The following RANBP17 variants were observed in gnomAD, a reference collection of about 807,000 sequenced individuals.
The protein encoded by RANBP17 is ran-binding protein 17.
RANBP17 carries 158 observed loss-of-function variants against 141.2 expected under a neutral mutation model. That is an observed-to-expected ratio of 1.12 (90% CI 0.98 to 1.28). RANBP17 has a LOEUF of 1.28. RANBP17 is among the 50% of genes most tolerant of loss of function. The pLI is 0.00. For missense variants in RANBP17, 1,438 were observed against 1,290.7 expected (o/e 1.11, Z -1.75); for synonymous variants, 430 against 450.0 (o/e 0.96, Z 0.56).
At chr5:171,174,543 T>G (rs929218854) in intron 16 of RANBP17, among the ~76,000 whole-genome samples, 31 of 152,152 alleles carry the variant, frequency 2.0e-4, no homozygotes, top group African/African-American at 7.5e-4. Flanking sequence ...AAATTCTGTT[T>G]GTTCGGTAAT....
intron 24 of RANBP17, among the ~76,000 whole-genome samples, chr5:171,250,986 A>C (rs930832111): frequency 6.6e-6 from 1 of 152,258 alleles, no homozygotes; most frequent in African/African-American, 2.4e-5. Flanking sequence ...ACATGGAATT[A>C]ACAGAGCTAC....
intron 13 of RANBP17, among the ~76,000 whole-genome samples, chr5:170,955,106 G>A (rs1362427052): frequency 5.3e-5 from 8 of 151,982 alleles, no homozygotes; most frequent in South Asian, 2.1e-4. Flanking sequence ...TCCTGAGACC[G>A]TCACCCCACA....
chr5:170,897,144 T>C, intron 5 of RANBP17: 1 of 826,682 alleles, frequency 1.2e-6, no homozygotes, highest in South Asian at 1.3e-5. Context: ...CTGAGAGATG[T>C]ATTTGATACC....
intron 5 of RANBP17, among the ~76,000 whole-genome samples, chr5:170,901,778 A>G (rs4599547): frequency 0.6 from 91,523 of 152,068 alleles, 29,279 homozygotes; most frequent in South Asian, 0.9. Context: ...CTTCACTTAC[A>G]AAGCTTAGTT....
chr5:171,236,190 A>G (rs911941688), intron 22 of RANBP17, among the ~76,000 whole-genome samples: 2 of 152,174 alleles, frequency 1.3e-5, no homozygotes, highest in African/African-American at 4.8e-5. Flanking sequence ...GCTCCTTCCA[A>G]TGATAAGTGA....
chr5:171,101,424 G>A (rs1445917626), intron 14 of RANBP17, among the ~76,000 whole-genome samples: 2 of 152,134 alleles, frequency 1.3e-5, no homozygotes, highest in Admixed American at 1.3e-4. Flanking sequence ...TGCAACCCCT[G>A]CTCTTTTTTT....
intron 5 of RANBP17, 129 bp downstream of exon 5, chr5:170,896,244 T>TTG (rs1581081563): frequency 4.8e-6 from 3 of 631,504 alleles, no homozygotes; most frequent in South Asian, 4.3e-5. Flanking sequence ...ATCAAGTTTT[T>TTG]TGTGTGTGTA....
At chr5:171,126,289 A>C (rs1348226018) in intron 14 of RANBP17, among the ~76,000 whole-genome samples, 1 of 152,192 alleles carries the variant, frequency 6.6e-6, no homozygotes, top group East Asian at 1.9e-4. Flanking sequence ...ATGGAAACAA[A>C]ACATACCAAA....
chr5:171,237,074 TA>T (rs1764588037), intron 22 of RANBP17, among the ~76,000 whole-genome samples: 1 of 152,038 alleles, frequency 6.6e-6, no homozygotes, highest in Non-Finnish European at 1.5e-5. Context: ...AAAATAATTT[TA>T]AAAAAATACA....
At chr5:171,181,165 T>C (rs943953993) in intron 16 of RANBP17, among the ~76,000 whole-genome samples, 2 of 152,176 alleles carry the variant, frequency 1.3e-5, no homozygotes, top group Non-Finnish European at 1.5e-5. Context: ...CCTGACAGCC[T>C]TGATCTTGTT....
At chr5:170,872,208 ACTT>A (rs1321725900) in intron 1 of RANBP17, among the ~76,000 whole-genome samples, 4 of 152,084 alleles carry the variant, frequency 2.6e-5, no homozygotes, top group Admixed American at 2.0e-4. Flanking sequence ...AGTGGTTTAT[ACTT>A]CTTCTTGAAG....
chr5:171,060,841 G>T (rs987358619), intron 14 of RANBP17, among the ~76,000 whole-genome samples: 29 of 152,244 alleles, frequency 1.9e-4, no homozygotes, highest in African/African-American at 6.7e-4. Flanking sequence ...CAATTTCAGA[G>T]CCTGTTATTA....
Position 170,904,454 on chromosome 5 carries a change from T to C in RANBP17, c.490-5207T>C, listed in dbSNP as rs1463571969. 3.3e-5 allele frequency: 5 copies of C among 153,584 alleles called. No homozygotes were observed. In the Admixed American group the frequency reaches 3.3e-4, roughly 10 times the overall value. The allele number at this position is 153,584 out of a possible 1,614,324, so 9.5% of individuals were successfully genotyped here. A position where few individuals can be genotyped will look rare whatever the true frequency, so the allele number is the denominator to read the frequency against. On this transcript the variant is annotated intron_variant, in intron 5 of 27. Coordinates refer to ENST00000523189, the MANE Select transcript of RANBP17 (RefSeq NM_022897.5). The stretch of plus-strand genomic sequence containing the variant: ...GTGCAAGATTTACCAAGCCTAAGCA[T>C]AGCCGTGTATAAAAGAAACCCTCCA...
At chr5:170,910,497 ATAACCAGT>A (rs1771440955) in intron 6 of RANBP17, 1 of 156,120 alleles carries the variant, frequency 6.4e-6, no homozygotes, top group Admixed American at 6.3e-5. Context: ...ATAGAATAGT[ATAACCAGT>A]TAACCTGTCA....
chr5:171,234,586 G>A (rs1764418787), intron 22 of RANBP17, among the ~76,000 whole-genome samples: 1 of 152,178 alleles, frequency 6.6e-6, no homozygotes, highest in Non-Finnish European at 1.5e-5. Context: ...TAATAGCAGT[G>A]GGAGTGGTCA....
intron 16 of RANBP17, among the ~76,000 whole-genome samples, chr5:171,174,765 T>TGTGTGTGTG (rs1554110474): frequency 6.6e-6 from 1 of 150,602 alleles, no homozygotes; most frequent in Non-Finnish European, 1.5e-5. Flanking sequence ...TGTGTGTGTG[T>TGTGTGTGTG]GTGTGTGTGT....
At chr5:171,017,630 G>A (rs1780540910) in intron 14 of RANBP17, among the ~76,000 whole-genome samples, 1 of 152,104 alleles carries the variant, frequency 6.6e-6, no homozygotes, top group Non-Finnish European at 1.5e-5. Context: ...ATTTGTTTAA[G>A]TTCCTTATAA....
At position 171,131,725 on chromosome 5, in the gene RANBP17, A is replaced by G. The variant is rs568939891; in HGVS notation, c.1711-38405A>G. 5.5e-4 allele frequency among the ~76,000 whole-genome samples: 83 copies of G among 152,228 alleles called. 1 individual carries two copies. The highest frequency in any genetic ancestry group is 1.2e-4 in the Non-Finnish European group (8 of 68,036). On this transcript the variant is annotated intron_variant, in intron 14 of 27. Transcript: ENST00000523189. Reference sequence around the variant, plus strand: ...GCAGAGATTCCCAGGGTAGCTGATCATGGCATTAGCATGCTGACAGCTCAG... The same window carrying G: ...GCAGAGATTCCCAGGGTAGCTGATCGTGGCATTAGCATGCTGACAGCTCAG...
intron 13 of RANBP17, among the ~76,000 whole-genome samples, chr5:170,964,643 C>T (rs1404623247): frequency 1.3e-5 from 2 of 152,006 alleles, no homozygotes; most frequent in African/African-American, 2.4e-5. Context: ...TGAGAACATG[C>T]AGTGTTTGGT....
Sources: gnomAD v4.1 joint callset for allele counts (sites outside exome capture counted in the v4.1 genomes callset) on GRCh38, gnomAD v4.1.1 for gene constraint, MANE v1.5 for transcripts, NCBI Gene and HGNC (gene_info 2026-07-23, HGNC 2026-07-21) for gene names.